The following PRMT9 variants were observed in gnomAD, a reference collection of about 807,000 sequenced individuals.
The protein encoded by PRMT9 is protein arginine methyltransferase 9, also known as protein arginine N-methyltransferase 9.
In PRMT9, 59 loss-of-function variants were observed where a neutral mutation model predicts 83.2. That is an observed-to-expected ratio of 0.71 (90% CI 0.57 to 0.88). PRMT9 has a LOEUF of 0.88. PRMT9 is among the 40% of genes least tolerant of loss of function. The probability of loss-of-function intolerance (pLI) is 0.00; values close to 1 mark genes in which losing one functional copy is unlikely to be tolerated. For synonymous variants in PRMT9, 333 were observed against 353.2 expected (o/e 0.94, Z 0.64); for missense variants, 947 against 1,021.9 (o/e 0.93, Z 1.00).
intron 4 of PRMT9, among the ~76,000 whole-genome samples, chr4:147,672,473 A>C (rs1412209213): frequency 6.6e-6 from 1 of 152,240 alleles, no homozygotes; most frequent in Non-Finnish European, 1.5e-5. Flanking sequence ...AAACATACTA[A>C]AAAGCCAAGA....
intron 2 of PRMT9, among the ~76,000 whole-genome samples, chr4:147,677,211 G>A (rs1484691048): frequency 6.6e-6 from 1 of 151,864 alleles, no homozygotes; most frequent in Non-Finnish European, 1.5e-5. Context: ...GAAATTAGAT[G>A]TATTAAAACA....
intron 8 of PRMT9, among the ~76,000 whole-genome samples, chr4:147,654,980 A>G (rs1404234842): frequency 2.0e-5 from 3 of 152,242 alleles, no homozygotes; most frequent in African/African-American, 7.2e-5. Context: ...TTTAGCTTAA[A>G]GGGACATTCT....
At chr4:147,640,303 A>G (rs1014730507) in intron 10 of PRMT9, among the ~76,000 whole-genome samples, 11 of 151,216 alleles carry the variant, frequency 7.3e-5, no homozygotes, top group Admixed American at 2.6e-4. Flanking sequence ...GAACTCCTGG[A>G]CTCAAACAAT....
At chr4:147,646,261 T>C (rs898230240) in intron 9 of PRMT9, among the ~76,000 whole-genome samples, 1 of 152,170 alleles carries the variant, frequency 6.6e-6, no homozygotes, top group African/African-American at 2.4e-5. Flanking sequence ...TCCATTTAAG[T>C]GAAGATCAGA....
At chr4:147,663,472 TCTC>T (rs1173364068) in intron 6 of PRMT9, among the ~76,000 whole-genome samples, 6 of 151,852 alleles carry the variant, frequency 4.0e-5, no homozygotes, top group East Asian at 1.9e-4. Context: ...CTCAAGCAAT[TCTC>T]CTATCTCCAC....
chr4:147,677,764 T>G (rs940991020), intron 2 of PRMT9, among the ~76,000 whole-genome samples: 3 of 152,022 alleles, frequency 2.0e-5, no homozygotes, highest in Non-Finnish European at 4.4e-5. Context: ...ACCTAGAATT[T>G]TTTCAAATAA....
chr4:147,668,510 G>T, intron 6 of PRMT9, 29 bp downstream of exon 6: 2 of 1,255,680 alleles, frequency 1.6e-6, no homozygotes, highest in Non-Finnish European at 2.3e-6. Flanking sequence ...GTGCTTTATA[G>T]CAGTGTGAAA....
intron 6 of PRMT9, among the ~76,000 whole-genome samples, chr4:147,667,243 A>G (rs549815445): frequency 6.6e-6 from 1 of 152,370 alleles, no homozygotes; most frequent in East Asian, 1.9e-4. Flanking sequence ...CAAGTCCACA[A>G]GACATAAGTG....
chr4:147,642,808 T>A lies in PRMT9; in HGVS notation c.2178A>T (p.Ala726=), dbSNP rs549331263. 3 of 1,613,866 alleles carry A rather than the reference T, an allele frequency of 1.9e-6. No individual in the cohort carries two copies. The East Asian group carries it at 6.7e-5, about 36-fold the overall frequency. Residue 726 remains alanine, a synonymous_variant, in exon 10 of 12, where the codon GCA becomes GCT. Transcript: ENST00000322396. ...TTACCTGAAACTGGTTAATAAAAGG[T>A]GCTATATTTAATCCAAGAGTACGTT... ...GTERTLGLNI[A]PFINQFQVPI...
intron 1 of PRMT9, 39 bp downstream of exon 1, chr4:147,683,752 TACGAGGAC>T: frequency 7.3e-7 from 1 of 1,378,470 alleles, no homozygotes; most frequent in African/African-American, 1.5e-5. Context: ...TTTTTTTTTT[TACGAGGAC>T]GTTGGATCTG....
At position 147,654,152 on chromosome 4, in the gene PRMT9, A is replaced by G; in HGVS notation, c.1745T>C (p.Phe582Ser). ...GCCTTCGGACACATCTAACACGTAG[A>G]AAGGTTCAAGGATGTTCTGTACAGT... ...SNTVQNILEP[F>S]YVLDVSEGFS... The change falls in exon 9 of 12, where the codon TTC becomes TCC. Residue 582 changes from phenylalanine to serine, a missense_variant. By Grantham distance (155) the Phe-to-Ser change is radical. Transcript: ENST00000322396. 6.2e-7 allele frequency: 1 copy of G among 1,614,244 alleles called. No individual in the cohort carries two copies. Among genetic ancestry groups the G allele is most frequent in the Non-Finnish European group, 8.5e-7 (1 of 1,180,042 alleles).
At chr4:147,647,146 G>T (rs1447484068) in intron 9 of PRMT9, among the ~76,000 whole-genome samples, 3 of 152,094 alleles carry the variant, frequency 2.0e-5, no homozygotes, top group Non-Finnish European at 4.4e-5. Flanking sequence ...ACAGTTAAAT[G>T]ATACCCAGTC....
chr4:147,648,212 G>T (rs1560971109), intron 9 of PRMT9, among the ~76,000 whole-genome samples: 1 of 151,992 alleles, frequency 6.6e-6, no homozygotes, highest in African/African-American at 2.4e-5. Flanking sequence ...CTAGGTTGGG[G>T]GCTAAAAGAC....
chr4:147,657,988 T>C lies in PRMT9; in HGVS notation c.1147-13A>G, dbSNP rs756148057. The stretch of plus-strand genomic sequence containing the variant: ...GACTTTTTAATTCCTGAGAAAAATG[T>C]AGAAGGAATGAAACGGTTTTATATA... On this transcript the variant is annotated splice_polypyrimidine_tract_variant and intron_variant, in intron 7 of 11. Transcript: ENST00000322396. 1.9e-6 allele frequency: 3 copies of C among 1,550,630 alleles called. No homozygotes were observed. The highest frequency in any genetic ancestry group is 1.4e-5 in the African/African-American group (1 of 72,844).
rs1164072747 is a variant in PRMT9, at chr4:147,673,096, G to A, written c.606C>T (p.Ser202=). The change falls in exon 4 of 12, where the codon TCC becomes TCT. Residue 202 remains serine (S), a synonymous_variant. Coordinates refer to ENST00000322396, the MANE Select transcript of PRMT9 (RefSeq NM_138364.4). ...SMFAKKAGAH[S]VYACELSKTM... Reference sequence around the variant, plus strand: ...TCTTGGATAACTCACAGGCATACACGGAATGTGCTCCAGCTTTTTTAGCAA... The same window carrying A: ...TCTTGGATAACTCACAGGCATACACAGAATGTGCTCCAGCTTTTTTAGCAA... 9 of 1,613,792 alleles carry A rather than the reference G, an allele frequency of 5.6e-6. No individual in the cohort carries two copies. The highest frequency in any genetic ancestry group is 1.1e-5 in the South Asian group (1 of 91,074).
intron 9 of PRMT9, among the ~76,000 whole-genome samples, chr4:147,651,638 C>G (rs1018039926): frequency 1.3e-5 from 2 of 152,172 alleles, no homozygotes; most frequent in African/African-American, 4.8e-5. Flanking sequence ...CTCAACATCA[C>G]TAATCATTAG....
In PRMT9 at chr4:147,680,338, C is replaced by T; in HGVS notation, c.323G>A (p.Gly108Glu). 1 of 1,614,056 alleles carries T rather than the reference C, an allele frequency of 6.2e-7. No individual in the cohort carries two copies. Among genetic ancestry groups the T allele is most frequent in the Non-Finnish European group, 8.5e-7 (1 of 1,179,958 alleles). The change falls in exon 2 of 12, where the codon GGG becomes GAG. Residue 108 changes from glycine to glutamate, a missense_variant. By Grantham distance (98) the Gly-to-Glu change is moderately conservative (BLOSUM62 -2). Coordinates refer to ENST00000322396, the MANE Select transcript of PRMT9 (RefSeq NM_138364.4). ...CACTACAAACCTGAAGAGATGCTCC[C>T]CCATACTATTGCAAATCACTTCATC... ...PDDEVICNSM[G>E]EHLFRMGFRD...
intron 6 of PRMT9, chr4:147,661,362 A>G: frequency 8.5e-6 from 2 of 234,426 alleles, no homozygotes; most frequent in Non-Finnish European, 1.6e-5. Context: ...AATATATTTT[A>G]AAATTCCTAC....
At chr4:147,674,047 ATTTC>A (rs759819716) in intron 2 of PRMT9, among the ~76,000 whole-genome samples, 173 bp from the exon 3 acceptor site, 1 of 152,140 alleles carries the variant, frequency 6.6e-6, no homozygotes, top group African/African-American at 2.4e-5. Flanking sequence ...AAGCCTCAGT[ATTTC>A]TTTCTTTTCT....
Sources: gnomAD v4.1 joint callset for allele counts (sites outside exome capture counted in the v4.1 genomes callset) on GRCh38, gnomAD v4.1.1 for gene constraint, MANE v1.5 for transcripts, NCBI Gene and HGNC (gene_info 2026-07-23, HGNC 2026-07-21) for gene names.